RHEX: variants seen among roughly 807,000 people sequenced by gnomAD.
RHEX encodes the protein regulator of hemoglobinization and erythroid cell expansion.
Under a neutral mutation model 20.1 loss-of-function variants are expected in RHEX, and 18 were observed. That is an observed-to-expected ratio of 0.90 (90% CI 0.62 to 1.33). The LOEUF is 1.33. RHEX is among the 40% of genes most tolerant of loss of function. RHEX has a pLI of 0.00. For synonymous variants in RHEX, 87 were observed against 77.1 expected (o/e 1.13, Z -0.67); for missense variants, 192 against 214.3 (o/e 0.90, Z 0.65).
chr1:206,087,809 C>A (rs1436643481), intron 1 of RHEX, among the ~76,000 whole-genome samples: 4 of 152,158 alleles, frequency 2.6e-5, no homozygotes, highest in Non-Finnish European at 5.9e-5. Flanking sequence ...GTATTGTATT[C>A]TTGAAAACTG....
chr1:206,057,224 C>T (rs558112207), intron 1 of RHEX, among the ~76,000 whole-genome samples: 5 of 152,252 alleles, frequency 3.3e-5, no homozygotes, highest in Non-Finnish European at 4.4e-5. Flanking sequence ...CTCTACAAGT[C>T]GCCTATGTCA....
intron 1 of RHEX, among the ~76,000 whole-genome samples, chr1:206,071,053 A>G (rs186935236): frequency 7.6e-4 from 116 of 152,298 alleles, no homozygotes; most frequent in African/African-American, 2.6e-3. Flanking sequence ...AAGTCTCACA[A>G]TAGGCCATCT....
At chr1:206,062,463 C>A (rs933140273) in intron 1 of RHEX, among the ~76,000 whole-genome samples, 2 of 152,218 alleles carry the variant, frequency 1.3e-5, no homozygotes, top group African/African-American at 4.8e-5. Context: ...GGATTCAGAC[C>A]ATTTCAGGTC....
At chr1:206,092,074 TTC>T (rs1662963100) in intron 1 of RHEX, among the ~76,000 whole-genome samples, 1 of 140,032 alleles carries the variant, frequency 7.1e-6, no homozygotes, top group Admixed American at 7.5e-5. Context: ...TTCTCTCTCT[TTC>T]TTTCTTTCTT....
intron 1 of RHEX, among the ~76,000 whole-genome samples, chr1:206,087,824 G>A (rs1423640277): frequency 6.6e-6 from 1 of 152,204 alleles, no homozygotes; most frequent in Non-Finnish European, 1.5e-5. Flanking sequence ...AAACTGCTGA[G>A]AGTAGATTTC....
rs142990809 is a variant in RHEX, at chr1:206,067,706, T to TA, written c.-97+14442dup. Reference sequence around the variant, plus strand: ...CAACAGCACAACCTCATTCTGCACATACCCCCTCCAGTACAACCCTAGAAA... The same window carrying TA: ...CAACAGCACAACCTCATTCTGCACATAACCCCCTCCAGTACAACCCTAGAAA... On this transcript the variant is annotated intron_variant, in intron 1 of 5. Coordinates refer to ENST00000331555, the MANE Select transcript of RHEX (RefSeq NM_001007544.4). The surrounding 1 kb of genome is among the most constrained non-coding windows in gnomAD (Gnocchi z 4.6). Among the ~76,000 whole-genome samples, 1,371 of 152,266 alleles carry TA rather than the reference T, an allele frequency of 9.0e-3. 16 individuals are homozygous for TA. Among genetic ancestry groups the TA allele is most frequent in the African/African-American group, 0.031 (1,273 of 41,546 alleles).
At chr1:206,098,820 A>G (rs1361402809) in intron 3 of RHEX, among the ~76,000 whole-genome samples, 1 of 152,238 alleles carries the variant, frequency 6.6e-6, no homozygotes, top group Non-Finnish European at 1.5e-5. Context: ...AGGCTACACA[A>G]CAGGGAACAA....
Position 206,086,752 on chromosome 1 carries a change from T to A in RHEX, c.-96-10981T>A, listed in dbSNP as rs145804873. 3.2e-3 allele frequency among the ~76,000 whole-genome samples: 481 copies of A among 152,310 alleles called. 2 individuals carry two copies. The highest frequency in any genetic ancestry group is 0.011 in the African/African-American group (458 of 41,562). ...GGCTGGGCACGGTGGCTCACACCTG[T>A]AATCCCAGCACTTTGGGAGGCTGAG... On this transcript the variant is annotated intron_variant, in intron 1 of 5. Transcript: ENST00000331555.
intron 1 of RHEX, among the ~76,000 whole-genome samples, chr1:206,091,919 A>G (rs797024871): frequency 6.6e-6 from 1 of 152,176 alleles, no homozygotes; most frequent in Non-Finnish European, 1.5e-5. Context: ...ATTGGCTTGT[A>G]GAATAATAAT....
At chr1:206,055,505 G>A (rs894025508) in intron 1 of RHEX, among the ~76,000 whole-genome samples, 3 of 152,212 alleles carry the variant, frequency 2.0e-5, no homozygotes, top group African/African-American at 7.2e-5. Flanking sequence ...ACATCGTAAA[G>A]CGAGAGAAGC....
intron 1 of RHEX, among the ~76,000 whole-genome samples, chr1:206,088,373 A>G (rs1305142616): frequency 1.3e-5 from 2 of 152,192 alleles, no homozygotes; most frequent in Non-Finnish European, 2.9e-5. Context: ...TATTTGATAA[A>G]CAAAATTATT....
chr1:206,064,801 C>A (rs1553283977), intron 1 of RHEX, among the ~76,000 whole-genome samples: 2 of 152,060 alleles, frequency 1.3e-5, no homozygotes, highest in African/African-American at 4.8e-5. Flanking sequence ...TGAGAACGGG[C>A]CAGGATGACA....
At chr1:206,076,156 T>A (rs1435794968) in intron 1 of RHEX, among the ~76,000 whole-genome samples, 3 of 150,162 alleles carry the variant, frequency 2.0e-5, no homozygotes, top group Non-Finnish European at 4.4e-5. Context: ...CACCAGGGAG[T>A]CTTTTTTTTT....
At chr1:206,055,750 C>A (rs1035145678) in intron 1 of RHEX, among the ~76,000 whole-genome samples, 2 of 152,388 alleles carry the variant, frequency 1.3e-5, no homozygotes, top group Admixed American at 1.3e-4. Flanking sequence ...AGCCCTGGGG[C>A]TACCTGACCT....
At chr1:206,083,508 G>C (rs1452627393) in intron 1 of RHEX, 1 of 985,304 alleles carries the variant, frequency 1.0e-6, no homozygotes, top group East Asian at 1.1e-4. Context: ...CTCCCGCCTT[G>C]TTGGAAATGT....
chr1:206,056,877 G>A (rs549841007), intron 1 of RHEX, among the ~76,000 whole-genome samples: 8,350 of 149,944 alleles, frequency 0.056, no homozygotes, highest in Non-Finnish European at 0.083. Flanking sequence ...CTGGTCTTGC[G>A]TTATTTCGGC....
chr1:206,093,867 C>T (rs1553287348), intron 1 of RHEX, among the ~76,000 whole-genome samples: 1 of 151,980 alleles, frequency 6.6e-6, no homozygotes, highest in African/African-American at 2.4e-5. Context: ...GGAGGAGGGA[C>T]AGGGTTTTAC....
In RHEX at chr1:206,101,230, A is replaced by G. The variant is rs1553288351; in HGVS notation, c.318+33A>G. On this transcript the variant is annotated intron_variant, in intron 5 of 5. Coordinates refer to ENST00000331555, the MANE Select transcript of RHEX (RefSeq NM_001007544.4). The stretch of plus-strand genomic sequence containing the variant: ...ATGTGCCTAGTGATCTCAGACGAAC[A>G]TATGCAGTCTGGGGATCCCTGCTGT... The G allele has an allele frequency of 9.7e-6, 15 of 1,543,642 alleles. No homozygotes were observed. The Admixed American group carries it at 2.8e-4, about 28-fold the overall frequency.
At chr1:206,069,792 C>T (rs1348631227) in intron 1 of RHEX, among the ~76,000 whole-genome samples, 1 of 152,146 alleles carries the variant, frequency 6.6e-6, no homozygotes, top group Non-Finnish European at 1.5e-5. Flanking sequence ...TGCTCTACAA[C>T]TTTCGAGGGC....
Sources: gnomAD v4.1 joint callset for allele counts (sites outside exome capture counted in the v4.1 genomes callset) on GRCh38, gnomAD v4.1.1 for gene constraint, Gnocchi (gnomAD v3.1) non-coding constraint, MANE v1.5 for transcripts, NCBI Gene and HGNC (gene_info 2026-07-23, HGNC 2026-07-21) for gene names.